Variants in TMEM232 observed in about 807,000 individuals in gnomAD.
TMEM232 encodes the protein transmembrane protein 232.
In TMEM232, 80 loss-of-function variants were observed where a neutral mutation model predicts 78.8. That is an observed-to-expected ratio of 1.01 (90% CI 0.85 to 1.22). The LOEUF (loss-of-function observed/expected upper bound fraction) is 1.22. TMEM232 is among the 50% of genes most tolerant of loss of function. The pLI is 0.00. For missense variants in TMEM232, 881 were observed against 742.2 expected, an observed-to-expected ratio of 1.19 and a Z score of -2.17; for synonymous variants, 297 against 254.3, an observed-to-expected ratio of 1.17 and a Z score of -1.60.
intron 5 of TMEM232, among the ~76,000 whole-genome samples, chr5:110,636,396 A>G (rs917187403): frequency 3.9e-5 from 6 of 152,050 alleles, no homozygotes; most frequent in African/African-American, 1.4e-4. Context: ...CAAAGTAACT[A>G]GAAGAGAGGA....
At chr5:110,415,892 C>A (rs1203333477), downstream of TMEM232, among the ~76,000 whole-genome samples, 2 of 152,090 alleles carry the variant, frequency 1.3e-5, no homozygotes, top group Non-Finnish European at 2.9e-5. Context: ...AAAATAGAGT[C>A]AGCTTCGGAA....
chr5:110,684,218 C>A (rs879440986), intron 1 of TMEM232, among the ~76,000 whole-genome samples: 18 of 151,218 alleles, frequency 1.2e-4, no homozygotes, highest in Non-Finnish European at 1.9e-4. Flanking sequence ...TCAAGAATAA[C>A]CTTAAAAAGA....
At chr5:110,673,634 G>A (rs1000542453) in intron 1 of TMEM232, among the ~76,000 whole-genome samples, 1 of 152,112 alleles carries the variant, frequency 6.6e-6, no homozygotes, top group Non-Finnish European at 1.5e-5. Context: ...GCCTGTGTGG[G>A]GATTATGAGG....
At chr5:110,668,120 G>T (rs1464763877) in intron 1 of TMEM232, among the ~76,000 whole-genome samples, 1 of 151,912 alleles carries the variant, frequency 6.6e-6, no homozygotes, top group East Asian at 1.9e-4. Context: ...CAAAGTTTTG[G>T]CAGGAAATGC....
intron 10 of TMEM232, among the ~76,000 whole-genome samples, chr5:110,587,667 A>G (rs1009206268): frequency 9.8e-4 from 80 of 81,306 alleles, no homozygotes; most frequent in Middle Eastern, 4.9e-3. Context: ...ATGTATGTAT[A>G]TATATATATA....
chr5:110,479,903 T>C (rs1413286338), intron 12 of TMEM232, among the ~76,000 whole-genome samples: 1 of 151,890 alleles, frequency 6.6e-6, no homozygotes, highest in African/African-American at 2.4e-5. Flanking sequence ...TATACTGTTA[T>C]TGAAATACAA....
At chr5:110,403,584 G>C (rs996735252) in intron 2 of TMEM232, among the ~76,000 whole-genome samples, 2 of 152,050 alleles carry the variant, frequency 1.3e-5, no homozygotes, top group African/African-American at 2.4e-5. Context: ...CTGCAGACCT[G>C]CTGCAAAGAT....
chr5:110,455,775 C>G (rs747968559), intron 12 of TMEM232, among the ~76,000 whole-genome samples: 1 of 152,124 alleles, frequency 6.6e-6, no homozygotes, highest in African/African-American at 2.4e-5. Context: ...TGGGGTTCAT[C>G]CCAAGACTGC....
rs574391240 is a variant in TMEM232, at chr5:110,532,078, A to G, written c.1456-3243T>C. On this transcript the variant is annotated intron_variant, in intron 11 of 13. Coordinates refer to ENST00000455884, the MANE Select transcript of TMEM232 (RefSeq NM_001039763.4). Reference sequence around the variant, plus strand: ...AACGCCTGAACTGCAGCGGCCAGGCATTCCTCCAGAACCTCCTCCCCCAGG... The same window carrying G: ...AACGCCTGAACTGCAGCGGCCAGGCGTTCCTCCAGAACCTCCTCCCCCAGG... Among the ~76,000 whole-genome samples the G allele has an allele frequency of 1.2e-4, 19 of 152,182 alleles. 1 individual carries two copies. The highest frequency in any genetic ancestry group is 3.4e-3 in the Middle Eastern group (1 of 292).
At chr5:110,480,167 T>TG (rs1763705494) in intron 12 of TMEM232, among the ~76,000 whole-genome samples, 1 of 151,836 alleles carries the variant, frequency 6.6e-6, no homozygotes, top group Admixed American at 6.6e-5. Context: ...AGCATAGCAG[T>TG]CTACTTCAGT....
In TMEM232 at chr5:110,603,408, G is replaced by C. The variant is rs1300558049; in HGVS notation, c.1276+1701C>G. Among the ~76,000 whole-genome samples the C allele has an allele frequency of 2.0e-5, 3 of 152,224 alleles. No individual in the cohort carries two copies. The East Asian group carries it at 5.8e-4, about 29-fold the overall frequency. On this transcript the variant is annotated intron_variant, in intron 10 of 13. Coordinates refer to ENST00000455884, the MANE Select transcript of TMEM232 (RefSeq NM_001039763.4). ...CATCATAAGATTATGCCAGAGTACA[G>C]GGGGTCATGACCAAAGGGAGGCCAA... is the stretch of plus-strand genomic sequence containing the variant.
chr5:110,588,476 T>G (rs1779118145), intron 10 of TMEM232, among the ~76,000 whole-genome samples: 1 of 152,146 alleles, frequency 6.6e-6, no homozygotes, highest in Non-Finnish European at 1.5e-5. Flanking sequence ...ATGTTTTTCA[T>G]GTACTACAAA....
chr5:110,656,099 G>A (rs1259615090), intron 2 of TMEM232, among the ~76,000 whole-genome samples: 2 of 151,956 alleles, frequency 1.3e-5, no homozygotes, highest in East Asian at 3.9e-4. Context: ...AGAACTGAAA[G>A]GTTATGTACA....
At chr5:110,466,015 G>T (rs1038869881) in intron 12 of TMEM232, among the ~76,000 whole-genome samples, 6 of 152,000 alleles carry the variant, frequency 3.9e-5, no homozygotes, top group African/African-American at 1.4e-4. Context: ...ACTGAAAATA[G>T]CAGATTAAAA....
chr5:110,555,249 CTGCTTTAATTTCAT>C (rs1774937846), intron 11 of TMEM232, among the ~76,000 whole-genome samples: 1 of 152,042 alleles, frequency 6.6e-6, no homozygotes, highest in South Asian at 2.1e-4. Context: ...TTATTGATAT[CTGCTTTAATTTCAT>C]TGTTCACCCA....
At chr5:110,391,326 T>TGTGTGTGTGTGTGTGTGA (rs549361387) in intron 3 of TMEM232, among the ~76,000 whole-genome samples, 12 of 139,922 alleles carry the variant, frequency 8.6e-5, no homozygotes, top group African/African-American at 3.5e-4. Flanking sequence ...TGTGTGTGTG[T>TGTGTGTGTGTGTGTGTGA]GAGAGAGAGA....
At chr5:110,436,530 C>G (rs1453579231) in intron 12 of TMEM232, among the ~76,000 whole-genome samples, 1 of 151,946 alleles carries the variant, frequency 6.6e-6, no homozygotes, top group Non-Finnish European at 1.5e-5. Context: ...AAATTTTTCC[C>G]TAGACCAATG....
chr5:110,542,033 A>G (rs1413860262), intron 11 of TMEM232, among the ~76,000 whole-genome samples: 1 of 152,188 alleles, frequency 6.6e-6, no homozygotes, highest in Admixed American at 6.6e-5. Context: ...TACTAAGGTT[A>G]GATGGTTGGA....
intron 11 of TMEM232, among the ~76,000 whole-genome samples, chr5:110,536,147 C>G (rs1332980626): frequency 2.0e-5 from 3 of 152,100 alleles, no homozygotes; most frequent in Non-Finnish European, 4.4e-5. Context: ...AACGTGGGAC[C>G]CTTGGTAGGC....
Sources: gnomAD v4.1 joint callset for allele counts (sites outside exome capture counted in the v4.1 genomes callset) on GRCh38, gnomAD v4.1.1 for gene constraint, MANE v1.5 for transcripts, NCBI Gene and HGNC (gene_info 2026-07-23, HGNC 2026-07-21) for gene names.